Variants in CLIC6 observed in about 807,000 individuals in gnomAD.
The protein encoded by CLIC6 is CLIC family member 6.
Under a neutral mutation model 49.2 loss-of-function variants are expected in CLIC6, and 39 were observed. The ratio of observed to expected loss-of-function variants is 0.79; its 90% CI spans 0.61 to 1.04. The LOEUF (loss-of-function observed/expected upper bound fraction) is 1.04, where lower values mean the gene tolerates loss of function less well. CLIC6 is among the 50% of genes least tolerant of loss of function. The probability of loss-of-function intolerance (pLI) is 0.00; values close to 1 mark genes in which losing one functional copy is unlikely to be tolerated. For missense variants in CLIC6, 988 were observed against 993.1 expected, an observed-to-expected ratio of 0.99 and a Z score of 0.07; for synonymous variants, 446 against 433.4, an observed-to-expected ratio of 1.03 and a Z score of -0.36.
In CLIC6 at chr21:34,669,675, C is replaced by T; in HGVS notation, c.287C>T (p.Pro96Leu). 7.4e-7 allele frequency: 1 copy of T among 1,352,206 alleles called. No individual in the cohort carries two copies. The highest frequency in any genetic ancestry group is 9.4e-7 in the Non-Finnish European group (1 of 1,059,038). 83.8% of individuals were successfully genotyped at this position (1,352,206 alleles called of 1,614,324 possible). A position where few individuals can be genotyped will look rare whatever the true frequency, so the allele number is the denominator to read the frequency against. The stretch of plus-strand genomic sequence containing the variant: ...GGAGCCCCGGAGGGTGCCGAGGTGC[C>T]CCAAGGAGGGGAGGAGACAAGCGGC... ...EEGAPEGAEVPQGGEETSGAQ... is the reference protein window; with the variant it reads ...EEGAPEGAEVLQGGEETSGAQ... Residue 96 changes from proline to leucine, a missense_variant, in exon 1 of 6, where the codon CCC (proline) becomes CTC (leucine). Around this residue, in one of 3 missense-constraint regions of CLIC6, gnomAD observed 284 missense variants for 278.6 expected, o/e 1.02. Coordinates refer to ENST00000349499, the MANE Select transcript of CLIC6 (RefSeq NM_053277.3).
chr21:34,670,854 C>T, intron 1 of CLIC6, 92 bp downstream of exon 1: 1 of 1,368,396 alleles, frequency 7.3e-7, no homozygotes, highest in Non-Finnish European at 9.7e-7. Flanking sequence ...AGGGAGGAAC[C>T]CTTGGTGGTA....
chr21:34,708,771 C>G lies in CLIC6; in HGVS notation c.1682C>G (p.Ala561Gly), dbSNP rs371684956. ...AGNDVFAKFSAFIKNTKKDAN... is the reference protein window; with the variant it reads ...AGNDVFAKFSGFIKNTKKDAN... ...AATGACGTGTTTGCCAAATTCTCAG[C>G]GTTTATAAAAAACACGAAGAAGGAT... The change falls in exon 4 of 6, where the codon GCG becomes GGG. Residue 561 changes from alanine to glycine, a missense_variant. Physicochemically the swap from Ala to Gly is moderately conservative, Grantham distance 60. This residue lies in a region of CLIC6 where 647 missense variants were observed against 596.9 expected (regional missense o/e 1.08). Coordinates refer to ENST00000349499, the MANE Select transcript of CLIC6 (RefSeq NM_053277.3). 4 of 1,613,990 alleles carry G rather than the reference C, an allele frequency of 2.5e-6. No homozygotes were observed. The highest frequency in any genetic ancestry group is 1.7e-6 in the Non-Finnish European group (2 of 1,179,882).
intron 1 of CLIC6, 120 bp downstream of exon 1, chr21:34,670,882 C>T (rs1321990042): frequency 1.8e-6 from 2 of 1,127,566 alleles, no homozygotes; most frequent in African/African-American, 1.6e-5. Context: ...TGTCATCAGG[C>T]GCTTCCATGC....
intron 1 of CLIC6, among the ~76,000 whole-genome samples, chr21:34,698,227 G>A (rs2058908630): frequency 6.6e-6 from 1 of 152,230 alleles, no homozygotes. Context: ...CTTCCATGGG[G>A]AGTGGGAAGA....
rs572450836 is a variant in CLIC6, at chr21:34,669,304, C to G, written c.-85C>G. On this transcript the variant is annotated 5_prime_UTR_variant, in exon 1 of 6. Coordinates refer to ENST00000349499, the MANE Select transcript of CLIC6 (RefSeq NM_053277.3). ...GCGTCCTTCAAGGAGCACAGAGGGCCCCGTAGCACGCCCCTTGCCCAGCGC... is the reference window on the plus strand; with the variant it reads ...GCGTCCTTCAAGGAGCACAGAGGGCGCCGTAGCACGCCCCTTGCCCAGCGC... The G allele has an allele frequency of 1.8e-6, 2 of 1,108,346 alleles. No individual in the cohort carries two copies. Among genetic ancestry groups the G allele is most frequent in the African/African-American group, 1.6e-5 (1 of 62,036 alleles). The allele number at this position is 1,108,346 out of a possible 1,614,324, so 68.7% of individuals were successfully genotyped here. A position where few individuals can be genotyped will look rare whatever the true frequency, so the allele number is the denominator to read the frequency against.
intron 1 of CLIC6, among the ~76,000 whole-genome samples, chr21:34,691,313 ATGT>A (rs1989989279): frequency 1.3e-5 from 2 of 150,886 alleles, no homozygotes; most frequent in South Asian, 2.1e-4. Flanking sequence ...TTCTAATAAA[ATGT>A]TGTGATTTCC....
chr21:34,711,898 CA>C (rs766053688), intron 5 of CLIC6, among the ~76,000 whole-genome samples: 1 of 152,162 alleles, frequency 6.6e-6, no homozygotes, highest in Non-Finnish European at 1.5e-5. Flanking sequence ...TGCCTTCTAA[CA>C]GGATATTTAT....
chr21:34,679,256 A>C (rs1989730789), intron 1 of CLIC6, among the ~76,000 whole-genome samples: 1 of 152,200 alleles, frequency 6.6e-6, no homozygotes, highest in African/African-American at 2.4e-5. Flanking sequence ...CAGGAAGGAA[A>C]AGTGCCAAGT....
At chr21:34,691,938 A>G (rs1990002920) in intron 1 of CLIC6, among the ~76,000 whole-genome samples, 1 of 152,182 alleles carries the variant, frequency 6.6e-6, no homozygotes, top group African/African-American at 2.4e-5. Context: ...AGCAATCCAA[A>G]TCTTCTTAGT....
Position 34,690,664 on chromosome 21 carries a change from T to C in CLIC6, c.1375-16616T>C, listed in dbSNP as rs189493091. Among the ~76,000 whole-genome samples the C allele has an allele frequency of 2.2e-4, 33 of 152,144 alleles. 1 individual carries two copies. The highest frequency in any genetic ancestry group is 1.8e-3 in the Admixed American group (28 of 15,290). On this transcript the variant is annotated intron_variant, in intron 1 of 5. Coordinates refer to ENST00000349499, the MANE Select transcript of CLIC6 (RefSeq NM_053277.3). ...ATGATTCGCAGCCAGTTAGGGACATTGGTTTCCTGGTCACTGAGCACAACT... is the reference window on the plus strand; with the variant it reads ...ATGATTCGCAGCCAGTTAGGGACATCGGTTTCCTGGTCACTGAGCACAACT...
At chr21:34,676,828 A>G (rs955848659) in intron 1 of CLIC6, among the ~76,000 whole-genome samples, 3 of 152,190 alleles carry the variant, frequency 2.0e-5, no homozygotes, top group Non-Finnish European at 4.4e-5. Context: ...TTGGTCTATC[A>G]TTCTCTGAAC....
chr21:34,701,773 AT>A (rs373990952), intron 1 of CLIC6, among the ~76,000 whole-genome samples: 6 of 151,764 alleles, frequency 4.0e-5, no homozygotes, highest in East Asian at 1.9e-4. Context: ...TAAACTCATA[AT>A]TTTTTTTTAA....
chr21:34,698,962 G>A (rs1235063988), intron 1 of CLIC6, among the ~76,000 whole-genome samples: 1 of 152,156 alleles, frequency 6.6e-6, no homozygotes, highest in Non-Finnish European at 1.5e-5. Flanking sequence ...TAAAGGGTAG[G>A]GAAGAGTCCA....
intron 1 of CLIC6, among the ~76,000 whole-genome samples, chr21:34,674,006 GTAC>G (rs1161707739): frequency 3.3e-5 from 5 of 152,200 alleles, no homozygotes; most frequent in Non-Finnish European, 7.3e-5. Context: ...TTAAAGGAAA[GTAC>G]TGCAATATTC....
chr21:34,708,760 CA>C lies in CLIC6; in HGVS notation c.1674del (p.Lys558AsnfsTer6). The C allele has an allele frequency of 1.2e-6, 2 of 1,614,150 alleles. No homozygotes were observed. The highest frequency in any genetic ancestry group is 1.7e-6 in the Non-Finnish European group (2 of 1,179,994). Reference sequence around the variant, plus strand: ...ATTCCGCAGGAAATGACGTGTTTGCCAAATTCTCAGCGTTTATAAAAAACAC... The same window carrying C: ...ATTCCGCAGGAAATGACGTGTTTGCCAATTCTCAGCGTTTATAAAAAACAC... ...SNSAGNDVFA[K>X]FSAFIKNTKK... On this transcript the variant is annotated frameshift_variant, in exon 4 of 6. Coordinates refer to ENST00000349499, the MANE Select transcript of CLIC6 (RefSeq NM_053277.3). LOFTEE classifies it high-confidence loss of function.
chr21:34,707,593 G>A (rs2056024478), intron 2 of CLIC6, among the ~76,000 whole-genome samples: 2 of 152,146 alleles, frequency 1.3e-5, no homozygotes, highest in African/African-American at 4.8e-5. Context: ...AGGAGGAGTT[G>A]GGGGTGCCGT....
intron 1 of CLIC6, among the ~76,000 whole-genome samples, chr21:34,695,864 G>A (rs1162422334): frequency 6.6e-6 from 1 of 152,172 alleles, no homozygotes; most frequent in Non-Finnish European, 1.5e-5. Flanking sequence ...GGCCATGATG[G>A]CCTGGATTAA....
At chr21:34,706,188 C>T (rs1408069639) in intron 1 of CLIC6, 2 of 538,758 alleles carry the variant, frequency 3.7e-6, no homozygotes, top group African/African-American at 1.9e-5. Flanking sequence ...TCACAAAGCT[C>T]ACAGTCGTGG....
At chr21:34,707,442 C>CACACAA in intron 2 of CLIC6, 53 bp downstream of exon 2, 1 of 672,464 alleles carries the variant, frequency 1.5e-6, no homozygotes. Context: ...TCTCTGCACA[C>CACACAA]ACACACACAC....
Sources: allele counts gnomAD v4.1 joint callset (sites outside exome capture counted in the v4.1 genomes callset), GRCh38; gene constraint gnomAD v4.1.1; regional missense constraint gnomAD v4.1.1; transcripts MANE v1.5; gene names NCBI Gene and HGNC (gene_info 2026-07-23, HGNC 2026-07-21).